Variants in SULF1 observed in about 807,000 individuals in gnomAD.
SULF1 encodes extracellular sulfatase Sulf-1.
SULF1 carries 46 observed loss-of-function variants against 110.5 expected under a neutral mutation model. That is an observed-to-expected ratio of 0.42 (90% confidence interval 0.33 to 0.53). SULF1 has a LOEUF of 0.53. Ranked by LOEUF, SULF1 falls within the 20% of genes least tolerant of loss-of-function variation. The pLI is 0.12. For synonymous variants in SULF1, 371 were observed against 387.1 expected (o/e 0.96, Z 0.49); for missense variants, 941 against 1,094.2 (o/e 0.86, Z 1.98).
chr8:69,638,332 A>G, intron 19 of SULF1, 170 bp from the exon 20 acceptor site: 1 of 773,134 alleles, frequency 1.3e-6, no homozygotes, highest in Admixed American at 3.1e-5. Flanking sequence ...TTCACAGCAA[A>G]TTTACCTACG....
intron 22 of SULF1, among the ~76,000 whole-genome samples, chr8:69,645,214 G>A (rs988389947): frequency 2.6e-5 from 4 of 152,184 alleles, no homozygotes; most frequent in Non-Finnish European, 5.9e-5. Flanking sequence ...GGCCACCCTG[G>A]TAAGGTTAAG....
intron 1 of SULF1, among the ~76,000 whole-genome samples, chr8:69,474,417 A>G (rs1809218259): frequency 6.6e-6 from 1 of 152,184 alleles, no homozygotes; most frequent in South Asian, 2.1e-4. Flanking sequence ...CCTGCCAATA[A>G]TCAATCTTCT....
At chr8:69,502,690 C>CTTTTT (rs765285613) in intron 3 of SULF1, among the ~76,000 whole-genome samples, 16 of 125,914 alleles carry the variant, frequency 1.3e-4, no homozygotes, top group Admixed American at 2.5e-4. Flanking sequence ...CTTTTTTTTT[C>CTTTTT]TTTTTTTTTT....
intron 3 of SULF1, among the ~76,000 whole-genome samples, chr8:69,547,054 C>G (rs116846654): frequency 6.6e-6 from 1 of 152,108 alleles, no homozygotes; most frequent in East Asian, 1.9e-4. Context: ...ATCAAGTTGA[C>G]AATTATAAAA....
Position 69,576,023 on chromosome 8 carries a change from AC to A in SULF1, c.228del (p.Phe77SerfsTer6). ...AAAGATTATGGAACATGGGGGGGCC[AC>A]CTTCATCAATGCCTTTGTGACTACA... Reference protein sequence around the residue: ...TRKIMEHGGATFINAFVTTPM... With the variant: ...TRKIMEHGGAXFINAFVTTPM... On this transcript the variant is annotated frameshift_variant, in exon 6 of 23. Coordinates refer to ENST00000402687, the MANE Select transcript of SULF1 (RefSeq NM_001128205.2). LOFTEE classifies it high-confidence loss of function. 1 of 1,614,114 alleles carries A rather than the reference AC, an allele frequency of 6.2e-7. No individual in the cohort carries two copies. Among genetic ancestry groups the A allele is most frequent in the Non-Finnish European group, 8.5e-7 (1 of 1,179,996 alleles).
At chr8:69,609,445 G>GTTTCCCAAAACTCACTGAAC (rs1808474078) in intron 13 of SULF1, among the ~76,000 whole-genome samples, 1 of 152,198 alleles carries the variant, frequency 6.6e-6, no homozygotes, top group African/African-American at 2.4e-5. Flanking sequence ...GGTTAAAAAT[G>GTTTCCCAAAACTCACTGAAC]TCTGGAAGTG....
chr8:69,471,599 G>A (rs1465716461), intron 1 of SULF1, among the ~76,000 whole-genome samples: 1 of 152,130 alleles, frequency 6.6e-6, no homozygotes, highest in African/African-American at 2.4e-5. Flanking sequence ...TATGGCTTTG[G>A]AGCAGGAGAG....
At chr8:69,655,323 C>G (rs979516312) in intron 22 of SULF1, among the ~76,000 whole-genome samples, 3 of 152,206 alleles carry the variant, frequency 2.0e-5, no homozygotes, top group Admixed American at 6.5e-5. Flanking sequence ...CCCATACCCA[C>G]TCATTTTATG....
At chr8:69,476,749 C>T (rs746828701) in intron 1 of SULF1, among the ~76,000 whole-genome samples, 1 of 152,132 alleles carries the variant, frequency 6.6e-6, no homozygotes, top group East Asian at 1.9e-4. Context: ...CTCAGGGTTG[C>T]CAGACATGAG....
At chr8:69,620,048 G>GT (rs1809484489) in intron 13 of SULF1, among the ~76,000 whole-genome samples, 1 of 152,130 alleles carries the variant, frequency 6.6e-6, no homozygotes, top group African/African-American at 2.4e-5. Context: ...TGAATGCAGG[G>GT]TTTTACTGAG....
chr8:69,520,782 A>T (rs1266777629), intron 3 of SULF1, among the ~76,000 whole-genome samples: 1 of 152,170 alleles, frequency 6.6e-6, no homozygotes, highest in Non-Finnish European at 1.5e-5. Flanking sequence ...TTTCCATTTG[A>T]AATGATTTAT....
At chr8:69,553,462 T>G (rs943630625) in intron 3 of SULF1, among the ~76,000 whole-genome samples, 1 of 152,182 alleles carries the variant, frequency 6.6e-6, no homozygotes, top group African/African-American at 2.4e-5. Flanking sequence ...TCAGTAAACT[T>G]TAGGAGCCCT....
chr8:69,582,010 C>A (rs1806107944), intron 6 of SULF1, among the ~76,000 whole-genome samples: 1 of 151,904 alleles, frequency 6.6e-6, no homozygotes, highest in Non-Finnish European at 1.5e-5. Flanking sequence ...ATAACAAGGA[C>A]TATTAAAAGA....
intron 3 of SULF1, among the ~76,000 whole-genome samples, chr8:69,544,966 T>A (rs1814144083): frequency 6.6e-6 from 1 of 152,200 alleles, no homozygotes; most frequent in African/African-American, 2.4e-5. Flanking sequence ...CCAGGTAGAT[T>A]GCATGTGTGA....
At chr8:69,516,743 G>T (rs971691384) in intron 3 of SULF1, among the ~76,000 whole-genome samples, 1 of 152,088 alleles carries the variant, frequency 6.6e-6, no homozygotes, top group Non-Finnish European at 1.5e-5. Flanking sequence ...CAAATCCTTT[G>T]TTACAAACAG....
rs1227999984 is a variant in SULF1, at chr8:69,620,700, G to T, written c.1378-335G>T. 3.9e-5 allele frequency among the ~76,000 whole-genome samples: 6 copies of T among 152,192 alleles called. No individual in the cohort carries two copies. The South Asian group carries it at 1.2e-3, about 31-fold the overall frequency. On this transcript the variant is annotated intron_variant, in intron 13 of 22. Transcript: ENST00000402687. ...AAAGCAGTCCTGACAGCTGCACCGTGTGTCTTGGTGAACTAACGGCTTTTA... is the reference window on the plus strand; with the variant it reads ...AAAGCAGTCCTGACAGCTGCACCGTTTGTCTTGGTGAACTAACGGCTTTTA...
At chr8:69,568,164 G>A (rs1211477633) in intron 5 of SULF1, among the ~76,000 whole-genome samples, 1 of 152,188 alleles carries the variant, frequency 6.6e-6, no homozygotes, top group Admixed American at 6.5e-5. Flanking sequence ...TTTTGCACCT[G>A]TAATGCTGTA....
At chr8:69,658,461 G>A (rs1812884846) in intron 22 of SULF1, 44 bp from the exon 23 acceptor site, 4 of 1,451,012 alleles carry the variant, frequency 2.8e-6, no homozygotes, top group East Asian at 2.3e-5. Flanking sequence ...TAAGTAGAAA[G>A]CCTTTTCTCC....
chr8:69,521,191 T>A (rs933381288), intron 3 of SULF1, among the ~76,000 whole-genome samples: 1 of 152,214 alleles, frequency 6.6e-6, no homozygotes, highest in Non-Finnish European at 1.5e-5. Context: ...ATTTTTTCCT[T>A]TATTTATGCA....
Sources: allele counts gnomAD v4.1 joint callset (sites outside exome capture counted in the v4.1 genomes callset), GRCh38; gene constraint gnomAD v4.1.1; transcripts MANE v1.5; gene names NCBI Gene and HGNC (gene_info 2026-07-23, HGNC 2026-07-21).